The following RNF150 variants were observed in gnomAD, a reference collection of about 807,000 sequenced individuals.
RNF150 encodes ring finger protein 150.
In RNF150, 24 loss-of-function variants were observed where a neutral mutation model predicts 39.3. That is an observed-to-expected ratio of 0.61 (90% CI 0.44 to 0.86). The LOEUF is 0.86. Among genes scored for constraint, RNF150 ranks in the 40% least tolerant of loss-of-function variants. RNF150 has a pLI of 0.00. For missense variants in RNF150, 502 were observed against 587.8 expected (o/e 0.85, Z 1.51); for synonymous variants, 255 against 227.3 (o/e 1.12, Z -1.10).
chr4:141,037,839 C>T (rs1351051216), intron 1 of RNF150, among the ~76,000 whole-genome samples: 2 of 152,138 alleles, frequency 1.3e-5, no homozygotes, highest in Admixed American at 6.6e-5. Flanking sequence ...GCACTATGTA[C>T]ACCTACACTT....
intron 1 of RNF150, among the ~76,000 whole-genome samples, chr4:140,987,079 C>T (rs1734039499): frequency 1.3e-5 from 2 of 151,878 alleles, no homozygotes; most frequent in African/African-American, 4.8e-5. Flanking sequence ...TGAAAGAGTT[C>T]TACAAGGAGA....
At chr4:141,033,990 C>A (rs10021757) in intron 1 of RNF150, among the ~76,000 whole-genome samples, 7,758 of 152,228 alleles carry the variant, frequency 0.051, 553 homozygotes, top group African/African-American at 0.16. Context: ...TCACCAGCTG[C>A]ATTAGCCCCT....
intron 1 of RNF150, among the ~76,000 whole-genome samples, chr4:141,168,341 T>C (rs1011461364): frequency 6.6e-6 from 1 of 152,168 alleles, no homozygotes; most frequent in African/African-American, 2.4e-5. Context: ...TTTTACACCA[T>C]TGGTGGGATT....
At chr4:141,081,257 T>C (rs898736044) in intron 1 of RNF150, among the ~76,000 whole-genome samples, 1 of 152,188 alleles carries the variant, frequency 6.6e-6, no homozygotes, top group Non-Finnish European at 1.5e-5. Flanking sequence ...GCTAGGTAAA[T>C]TTTCTGTTTC....
intron 4 of RNF150, among the ~76,000 whole-genome samples, chr4:140,935,033 ATATATATATATAAATATATATAT>A (rs1731793520): frequency 2.3e-4 from 1 of 4,288 alleles, no homozygotes; most frequent in Non-Finnish European, 7.0e-4. Flanking sequence ...TATATTTATA[ATATATATATATAAATATATATAT>A]TATATATATA....
At chr4:140,929,358 GTTTTTTTTTTTTTTT>G (rs532514901) in intron 4 of RNF150, among the ~76,000 whole-genome samples, 1 of 51,570 alleles carries the variant, frequency 1.9e-5, no homozygotes, top group East Asian at 6.5e-4. Flanking sequence ...TGGATGCTAA[GTTTTTTTTTTTTTTT>G]TTTTTTTTTT....
intron 1 of RNF150, among the ~76,000 whole-genome samples, chr4:141,180,563 A>G (rs1727891408): frequency 6.6e-6 from 1 of 152,014 alleles, no homozygotes; most frequent in Non-Finnish European, 1.5e-5. Context: ...AGTCTTTTGT[A>G]ATCTCATATA....
At chr4:141,072,021 A>G (rs1398061933) in intron 1 of RNF150, among the ~76,000 whole-genome samples, 1 of 152,172 alleles carries the variant, frequency 6.6e-6, no homozygotes, top group African/African-American at 2.4e-5. Context: ...AACTTGTTAA[A>G]ATGCAGATTC....
At chr4:141,055,844 T>G (rs757835277) in intron 1 of RNF150, among the ~76,000 whole-genome samples, 1 of 152,198 alleles carries the variant, frequency 6.6e-6, no homozygotes, top group African/African-American at 2.4e-5. Flanking sequence ...ACAGGAATCA[T>G]GCTTATTTTT....
At chr4:141,137,969 T>C (rs941190321), upstream of RNF150, among the ~76,000 whole-genome samples, 3 of 152,108 alleles carry the variant, frequency 2.0e-5, no homozygotes, top group African/African-American at 7.2e-5. Flanking sequence ...AGAGGCAGAT[T>C]TGACTTAAAT....
chr4:140,963,410 A>G (rs1579008643), intron 2 of RNF150, among the ~76,000 whole-genome samples: 2 of 152,070 alleles, frequency 1.3e-5, no homozygotes, highest in African/African-American at 4.8e-5. Context: ...CTATACATGC[A>G]CTGCCATATG....
intron 1 of RNF150, among the ~76,000 whole-genome samples, chr4:141,131,499 C>T (rs974669738): frequency 1.3e-5 from 2 of 152,198 alleles, no homozygotes; most frequent in African/African-American, 2.4e-5. Context: ...ACCAGGGAAA[C>T]ATTGCTTATG....
At chr4:141,006,205 T>C (rs535115749) in intron 1 of RNF150, among the ~76,000 whole-genome samples, 9 of 140,660 alleles carry the variant, frequency 6.4e-5, no homozygotes, top group Non-Finnish European at 1.3e-4. Flanking sequence ...ATTATATATA[T>C]ACACACATAT....
chr4:140,947,213 TC>T (rs1280243303), intron 4 of RNF150, among the ~76,000 whole-genome samples: 1 of 152,178 alleles, frequency 6.6e-6, no homozygotes, highest in African/African-American at 2.4e-5. Context: ...GTCCTTGGCT[TC>T]CTACTTACTT....
intron 1 of RNF150, among the ~76,000 whole-genome samples, chr4:141,047,557 A>G (rs570136774): frequency 5.2e-4 from 79 of 152,354 alleles, no homozygotes; most frequent in African/African-American, 1.7e-3. Context: ...CTTGAAAAAC[A>G]GAAAATGGAG....
chr4:140,904,247 C>T (rs1730294676), intron 6 of RNF150, among the ~76,000 whole-genome samples: 1 of 152,178 alleles, frequency 6.6e-6, no homozygotes, highest in South Asian at 2.1e-4. Context: ...AATAGTGTTA[C>T]AATCTTCAAA....
At chr4:141,129,636 T>C (rs1726841408) in intron 1 of RNF150, among the ~76,000 whole-genome samples, 1 of 152,232 alleles carries the variant, frequency 6.6e-6, no homozygotes, top group African/African-American at 2.4e-5. Flanking sequence ...AAAGCTGTTA[T>C]ACTGGGGAGG....
chr4:141,073,859 G>T (rs1651735104), intron 1 of RNF150, among the ~76,000 whole-genome samples: 1 of 152,082 alleles, frequency 6.6e-6, no homozygotes, highest in African/African-American at 2.4e-5. Flanking sequence ...GGTAGAGAGG[G>T]AAGGAAAAGG....
upstream of RNF150, among the ~76,000 whole-genome samples, chr4:141,137,395 A>T (rs561969373): frequency 6.6e-6 from 1 of 152,330 alleles, no homozygotes; most frequent in East Asian, 1.9e-4. Flanking sequence ...GGTGGCAATG[A>T]GCATGGTGAG....
Sources: allele counts gnomAD v4.1 joint callset (sites outside exome capture counted in the v4.1 genomes callset), GRCh38; gene constraint gnomAD v4.1.1; transcripts MANE v1.5; gene names NCBI Gene and HGNC (gene_info 2026-07-23, HGNC 2026-07-21).